SIDT2: variants seen among roughly 807,000 people sequenced by gnomAD.
The protein encoded by SIDT2 is SID1 transmembrane family member 2.
In SIDT2, 68 loss-of-function variants were observed where a neutral mutation model predicts 114.4. The ratio of observed to expected loss-of-function variants is 0.59; its 90% CI spans 0.49 to 0.73. The LOEUF is 0.73. SIDT2 is among the 30% of genes least tolerant of loss of function. The pLI is 0.00. For synonymous variants in SIDT2, 470 were observed against 438.4 expected, an observed-to-expected ratio of 1.07 and a Z score of -0.90; for missense variants, 918 against 1,097.1, an observed-to-expected ratio of 0.84 and a Z score of 2.31.
In SIDT2 at chr11:117,192,948, AC is replaced by A; in HGVS notation, c.2105+83del. 1 of 1,561,606 alleles carries A rather than the reference AC, an allele frequency of 6.4e-7. No homozygotes were observed. Among genetic ancestry groups the A allele is most frequent in the South Asian group, 1.1e-5 (1 of 89,964 alleles). On this transcript the variant is annotated intron_variant, in intron 22 of 25. Coordinates refer to ENST00000324225, the MANE Select transcript of SIDT2 (RefSeq NM_001040455.2). This position sits in a 1 kb window ranked among gnomAD's most constrained non-coding sequence, Gnocchi z 5.9. ...CCACTGGCTGCCTTGGGGGCTAAGGACAACTTCCAAATGTTGGGCATAAGAC... is the reference window on the plus strand; with the variant it reads ...CCACTGGCTGCCTTGGGGGCTAAGGAAACTTCCAAATGTTGGGCATAAGAC...
chr11:117,195,606 T>G (rs2030868764), intron 24 of SIDT2, among the ~76,000 whole-genome samples, 196 bp from the exon 25 acceptor site: 1 of 152,086 alleles, frequency 6.6e-6, no homozygotes, highest in African/African-American at 2.4e-5. Context: ...GCCAGTGAAC[T>G]CAGGGAGAAG....
At chr11:117,179,622 GT>G (rs2030185951) in intron 1 of SIDT2, 176 bp downstream of exon 1, 3 of 609,276 alleles carry the variant, frequency 4.9e-6, no homozygotes, top group Admixed American at 6.8e-5. Context: ...TGCCACCAAT[GT>G]TTCTCTGAAG....
Position 117,190,049 on chromosome 11 carries a change from C to G in SIDT2, c.1493+24C>G, listed in dbSNP as rs1399194142. 4.3e-6 allele frequency: 7 copies of G among 1,613,972 alleles called. No individual in the cohort carries two copies. The African/African-American group carries it at 9.3e-5, about 22-fold the overall frequency. On this transcript the variant is annotated intron_variant, in intron 16 of 25. Transcript: ENST00000324225. This position sits in a 1 kb window ranked among gnomAD's most constrained non-coding sequence, Gnocchi z 4.1. Reference sequence around the variant, plus strand: ...AGGTGGGGGTCATGCTGGGAGGCCCCTTGTCCAGGCCAAGGGTGAAATGGG... The same window carrying G: ...AGGTGGGGGTCATGCTGGGAGGCCCGTTGTCCAGGCCAAGGGTGAAATGGG...
chr11:117,186,305 C>A, intron 9 of SIDT2, 82 bp downstream of exon 9: 1 of 1,252,190 alleles, frequency 8.0e-7, no homozygotes, highest in Non-Finnish European at 1.2e-6. Context: ...GGATCTGAGC[C>A]AGCCTAGGGT....
In SIDT2 at chr11:117,189,396, C is replaced by G; in HGVS notation, c.1414C>G (p.Gln472Glu). 1 of 1,613,980 alleles carries G rather than the reference C, an allele frequency of 6.2e-7. No individual in the cohort carries two copies. Among genetic ancestry groups the G allele is most frequent in the Non-Finnish European group, 8.5e-7 (1 of 1,179,944 alleles). ...LPVVQLVITYQTVVNVTGNQD... is the reference protein window; with the variant it reads ...LPVVQLVITYETVVNVTGNQD... The stretch of plus-strand genomic sequence containing the variant: ...TGTGGTGCAGCTGGTGATCACCTAC[C>G]AGACGGTGAGAGGGCAGGGCAGGTT... The change falls in exon 15 of 26, where the codon CAG (glutamine) becomes GAG (glutamate). Residue 472 changes from glutamine (Q) to glutamate (E), a missense_variant. Physicochemically the swap from Gln to Glu is conservative, Grantham distance 29 (BLOSUM62 2). Coordinates refer to ENST00000324225, the MANE Select transcript of SIDT2 (RefSeq NM_001040455.2).
chr11:117,187,689 C>T lies in SIDT2; in HGVS notation c.1149C>T (p.Tyr383=), dbSNP rs148750007. The T allele has an allele frequency of 1.1e-3, 1,816 of 1,613,778 alleles. 1 individual carries two copies. The highest frequency in any genetic ancestry group is 9.5e-4 in the African/African-American group (71 of 74,946). ...GCGCTGGCACTGGGGACCTCTCTTA[C>T]GGTTACCAGGGTGAGTGGGCCAGGC... The part of the protein sequence containing the change: ...VDSAGTGDLS[Y]GYQGRSFEPV... Residue 383 remains tyrosine (Y), a synonymous_variant, in exon 12 of 26, where the codon TAC becomes TAT. Transcript: ENST00000324225.
intron 6 of SIDT2, 74 bp from the exon 7 acceptor site, chr11:117,183,705 G>C: frequency 9.4e-7 from 1 of 1,060,448 alleles, no homozygotes; most frequent in Admixed American, 1.9e-5. Context: ...ATAATGTCTG[G>C]CCCCAGAACA....
Position 117,188,135 on chromosome 11 carries a change from G to A in SIDT2, c.1159+436G>A. The A allele has an allele frequency of 2.6e-6, 1 of 383,458 alleles. No homozygotes were observed. Among genetic ancestry groups the A allele is most frequent in the Non-Finnish European group, 5.1e-6 (1 of 196,584 alleles). The allele number at this position is 383,458 out of a possible 1,614,324, so 23.8% of individuals were successfully genotyped here. ...CACAGGCTCCTTTGGCTGGCGGGCTGGCGCCTCCGCTCTCTCCAGGCTGGA... is the reference window on the plus strand; with the variant it reads ...CACAGGCTCCTTTGGCTGGCGGGCTAGCGCCTCCGCTCTCTCCAGGCTGGA... On this transcript the variant is annotated intron_variant, in intron 12 of 25. Transcript: ENST00000324225. This position sits in a 1 kb window ranked among gnomAD's most constrained non-coding sequence, Gnocchi z 4.0.
Position 117,188,397 on chromosome 11 carries a change from C to T in SIDT2, c.1160-311C>T. The T allele has an allele frequency of 2.3e-6, 1 of 437,438 alleles. No individual in the cohort carries two copies. The highest frequency in any genetic ancestry group is 4.2e-6 in the Non-Finnish European group (1 of 238,672). 27.1% of individuals were successfully genotyped at this position (437,438 alleles called of 1,614,324 possible). On this transcript the variant is annotated intron_variant, in intron 12 of 25. Transcript: ENST00000324225. This position sits in a 1 kb window ranked among gnomAD's most constrained non-coding sequence, Gnocchi z 4.0. ...CCGAGTTCAATCCTGTTGTTTGTGT[C>T]TGCTGCCTGGGGTCTGCCTTGTGTC...
chr11:117,179,030 A>G lies in SIDT2; in HGVS notation c.-234A>G, dbSNP rs565304279. On this transcript the variant is annotated 5_prime_UTR_variant, in exon 1 of 26. Coordinates refer to ENST00000324225, the MANE Select transcript of SIDT2 (RefSeq NM_001040455.2). The stretch of plus-strand genomic sequence containing the variant: ...CGAGCTGGGACCCCTTCCCGTAGCC[A>G]GCATCCCCTCCCTCCCCGCCCCCTC... 683 of 555,964 alleles carry G rather than the reference A, an allele frequency of 1.2e-3. 10 individuals are homozygous for G. The South Asian group carries it at 0.015, about 12-fold the overall frequency. The allele number at this position is 555,964 out of a possible 1,614,324, so 34.4% of individuals were successfully genotyped here.
rs1314573059 is a variant in SIDT2 at position 117,194,053 on chromosome 11, C to T, written c.2322+90C>T. The T allele has an allele frequency of 7.5e-6, 8 of 1,060,720 alleles. No homozygotes were observed. The East Asian group carries it at 2.0e-4, about 27-fold the overall frequency. 65.7% of individuals were successfully genotyped at this position (1,060,720 alleles called of 1,614,324 possible). A position where few individuals can be genotyped will look rare whatever the true frequency, so the allele number is the denominator to read the frequency against. Reference sequence around the variant, plus strand: ...GGCTGAGCCTGGGATTACCTGTAATCCCAGCACTTTGGGAAGCTGAGGCAG... The same window carrying T: ...GGCTGAGCCTGGGATTACCTGTAATTCCAGCACTTTGGGAAGCTGAGGCAG... On this transcript the variant is annotated intron_variant, in intron 24 of 25. Coordinates refer to ENST00000324225, the MANE Select transcript of SIDT2 (RefSeq NM_001040455.2).
chr11:117,193,912 G>C lies in SIDT2; in HGVS notation c.2271G>C (p.Val757=), dbSNP rs369005945. Reference sequence around the variant, plus strand: ...TGCTCTGCATCGTTTGCACCTCCGTGGTCTGGGGCTTCGCGCTCTTCTTCT... The same window carrying C: ...TGCTCTGCATCGTTTGCACCTCCGTCGTCTGGGGCTTCGCGCTCTTCTTCT... ...IPLLCIVCTS[V]VWGFALFFFF... The change falls in exon 24 of 26, where the codon GTG becomes GTC. Residue 757 remains valine, a synonymous_variant. Coordinates refer to ENST00000324225, the MANE Select transcript of SIDT2 (RefSeq NM_001040455.2). The C allele has an allele frequency of 5.6e-6, 9 of 1,614,108 alleles. No individual in the cohort carries two copies. Among genetic ancestry groups the C allele is most frequent in the Non-Finnish European group, 7.6e-6 (9 of 1,180,026 alleles).
chr11:117,193,066 C>G, intron 22 of SIDT2, 87 bp from the exon 23 acceptor site: 2 of 1,447,802 alleles, frequency 1.4e-6, no homozygotes, highest in Non-Finnish European at 1.9e-6. Context: ...AGCCCAACAT[C>G]ATAATAAAAC....
intron 4 of SIDT2, 60 bp from the exon 5 acceptor site, chr11:117,182,459 A>G: frequency 1.4e-6 from 2 of 1,471,384 alleles, no homozygotes; most frequent in Non-Finnish European, 9.5e-7. Context: ...ATTCCCTTCT[A>G]GAGGGGCCAA....
intron 6 of SIDT2, 55 bp from the exon 7 acceptor site, chr11:117,183,724 G>A: frequency 8.1e-7 from 1 of 1,231,852 alleles, no homozygotes; most frequent in South Asian, 1.2e-5. Flanking sequence ...CAAGTATTTA[G>A]AAAAGAATGA....
In SIDT2 at chr11:117,182,746, C is replaced by T; in HGVS notation, c.642C>T (p.Asn214=). 6.2e-7 allele frequency: 1 copy of T among 1,614,208 alleles called. No individual in the cohort carries two copies. ...AGTGTCCTGTCTATGACCTGGACAA[C>T]AACGTAGCCTTCATCGGCATGTACC... ...DVLCPVYDLD[N]NVAFIGMYQT... Residue 214 remains asparagine (N), a synonymous_variant, in exon 6 of 26, where the codon AAC becomes AAT. Coordinates refer to ENST00000324225, the MANE Select transcript of SIDT2 (RefSeq NM_001040455.2).
intron 1 of SIDT2, chr11:117,179,767 C>T (rs141575474): frequency 2.4e-5 from 6 of 251,942 alleles, no homozygotes; most frequent in African/African-American, 1.3e-4. Context: ...TCTGTGGGGT[C>T]TCGGTGGGAG....
At position 117,178,999 on chromosome 11, in the gene SIDT2, C is replaced by T. The variant is rs2030138925; in HGVS notation, c.-265C>T. 3 of 510,302 alleles carry T rather than the reference C, an allele frequency of 5.9e-6. No individual in the cohort carries two copies. In the East Asian group the frequency reaches 1.1e-4, roughly 18 times the overall value. The allele number at this position is 510,302 out of a possible 1,614,324, so 31.6% of individuals were successfully genotyped here. ...TCCAGGGTCTCAGGTCGTACTCAGC[C>T]CCTCGCGAGCTGGGACCCCTTCCCG... On this transcript the variant is annotated 5_prime_UTR_variant, in exon 1 of 26. Coordinates refer to ENST00000324225, the MANE Select transcript of SIDT2 (RefSeq NM_001040455.2).
Position 117,181,500 on chromosome 11 carries a change from G to A in SIDT2, c.268G>A (p.Val90Met), listed in dbSNP as rs1222887578. ...LLFVVRQKEA[V>M]VSFQVPLILR... ...GTTTGTGGTCCGCCAGAAGGAGGCT[G>A]TGGTGTCCTTCCAGGTGCCCCTAAT... The change falls in exon 2 of 26, where the codon GTG (valine) becomes ATG (methionine). Residue 90 changes from valine to methionine, a missense_variant. Transcript: ENST00000324225. 1.9e-6 allele frequency: 3 copies of A among 1,613,874 alleles called. No individual in the cohort carries two copies. In the African/African-American group the frequency reaches 4.0e-5, roughly 22 times the overall value.
Sources: gnomAD v4.1 joint callset for allele counts (sites outside exome capture counted in the v4.1 genomes callset) on GRCh38, gnomAD v4.1.1 for gene constraint, Gnocchi (gnomAD v3.1) non-coding constraint, MANE v1.5 for transcripts, NCBI Gene and HGNC (gene_info 2026-07-23, HGNC 2026-07-21) for gene names.